DDX20: variants seen among roughly 807,000 people sequenced by gnomAD.
DDX20 encodes DEAD-box helicase 20.
DDX20 carries 61 observed loss-of-function variants against 76.4 expected under a neutral mutation model. That is an observed-to-expected ratio of 0.80 (90% CI 0.65 to 0.99). DDX20 has a LOEUF of 0.99. DDX20 is among the 50% of genes least tolerant of loss of function. The pLI is 0.00. For synonymous variants in DDX20, 357 were observed against 357.4 expected (o/e 1.00, Z 0.01); for missense variants, 976 against 996.8 (o/e 0.98, Z 0.28).
intron 2 of DDX20, among the ~76,000 whole-genome samples, chr1:111,757,748 T>C (rs1663590209): frequency 6.6e-6 from 1 of 152,250 alleles, no homozygotes; most frequent in African/African-American, 2.4e-5. Flanking sequence ...GAAATCCTCC[T>C]ACTTCCCAAG....
rs1663805650 is a variant in DDX20 at position 111,767,433 on chromosome 1, C to G, written c.*534C>G. 1 of 152,100 alleles carries G rather than the reference C, an allele frequency of 6.6e-6. No individual in the cohort carries two copies. Among genetic ancestry groups the G allele is most frequent in the African/African-American group, 2.4e-5 (1 of 41,350 alleles). The allele number at this position is 152,100 out of a possible 1,614,324, so 9.4% of individuals were successfully genotyped here. ...TTTTCCTAAAGGTATTTGATTTGAT[C>G]TGTTAGCTTCCAGTAAAAATATTTG... On this transcript the variant is annotated 3_prime_UTR_variant, in exon 11 of 11. Coordinates refer to ENST00000369702, the MANE Select transcript of DDX20 (RefSeq NM_007204.5).
rs757155844 is a variant in DDX20, at chr1:111,766,092, C to T, written c.1668C>T (p.Asn556=). The change falls in exon 11 of 11, where the codon AAC becomes AAT. Residue 556 remains asparagine, a synonymous_variant. Transcript: ENST00000369702. Reference sequence around the variant, plus strand: ...ATTCTGTTCAGACTCCCGTTGAAAACTCCACCAACAGTCAGCACCAGGTCA... The same window carrying T: ...ATTCTGTTCAGACTCCCGTTGAAAATTCCACCAACAGTCAGCACCAGGTCA... The part of the protein sequence containing the change: ...MKNSVQTPVE[N]STNSQHQVKE... The T allele has an allele frequency of 1.3e-5, 21 of 1,614,226 alleles. No homozygotes were observed. Among genetic ancestry groups the T allele is most frequent in the Non-Finnish European group, 1.8e-5 (21 of 1,180,046 alleles).
chr1:111,764,271 G>A (rs1161886645), intron 10 of DDX20, among the ~76,000 whole-genome samples: 1 of 148,140 alleles, frequency 6.8e-6, no homozygotes, highest in African/African-American at 2.6e-5. Flanking sequence ...GAAAGTGCGA[G>A]ACTCAGTCTC....
chr1:111,758,900 C>G (rs1663617801), intron 2 of DDX20, among the ~76,000 whole-genome samples: 1 of 152,164 alleles, frequency 6.6e-6, no homozygotes, highest in Non-Finnish European at 1.5e-5. Context: ...AGAGTAGGTT[C>G]TTACTTAATA....
chr1:111,759,925 G>C (rs1198250750), intron 3 of DDX20, among the ~76,000 whole-genome samples: 1 of 137,214 alleles, frequency 7.3e-6, no homozygotes, highest in Non-Finnish European at 1.5e-5. Flanking sequence ...AGTGAGCCGA[G>C]ATCGCGCCAC....
At chr1:111,759,323 T>G (rs1236328041) in intron 2 of DDX20, 77 bp from the exon 3 acceptor site, 1 of 1,012,872 alleles carries the variant, frequency 9.9e-7, no homozygotes, top group African/African-American at 1.6e-5. Context: ...AAATATAGTG[T>G]GTCATGTAAT....
intron 1 of DDX20, 89 bp downstream of exon 1, chr1:111,756,314 A>T: frequency 2.3e-6 from 3 of 1,321,324 alleles, no homozygotes; most frequent in Non-Finnish European, 2.9e-6. Context: ...GCCGCAGCTC[A>T]GGAAGAGCCC....
chr1:111,765,051 T>C (rs1663751093), intron 10 of DDX20, among the ~76,000 whole-genome samples: 1 of 152,232 alleles, frequency 6.6e-6, no homozygotes, highest in Non-Finnish European at 1.5e-5. Flanking sequence ...TTGATATATC[T>C]TGTCTGCCTA....
chr1:111,765,914 G>T lies in DDX20; in HGVS notation c.1490G>T (p.Arg497Ile), dbSNP rs190722688. ...CATGGTGACCACATGGCTTCCTCTA[G>T]AAATAATTCTGTATCTGGACTATCA... ...KAHGDHMASS[R>I]NNSVSGLSVK... Residue 497 changes from arginine (R) to isoleucine (I), a missense_variant, in exon 11 of 11, where the codon AGA becomes ATA. This residue lies in a region of DDX20 where 630 missense variants were observed against 693.7 expected (regional missense o/e 0.91). Coordinates refer to ENST00000369702, the MANE Select transcript of DDX20 (RefSeq NM_007204.5). 7 of 1,613,782 alleles carry T rather than the reference G, an allele frequency of 4.3e-6. No individual in the cohort carries two copies. The African/African-American group carries it at 6.7e-5, about 15-fold the overall frequency.
Position 111,757,288 on chromosome 1 carries a change from C to T in DDX20, c.396+548C>T, listed in dbSNP as rs543570878. 2.6e-5 allele frequency among the ~76,000 whole-genome samples: 4 copies of T among 152,228 alleles called. No homozygotes were observed. In the South Asian group the frequency reaches 8.3e-4, roughly 32 times the overall value. ...CCAGCCTTGAACTCCTGGGTTCAAG[C>T]AATCCTCCCACCTTTGCCTCCCAAA... On this transcript the variant is annotated intron_variant, in intron 2 of 10. Transcript: ENST00000369702.
rs567854335 is a variant in DDX20, at chr1:111,767,776, G to C, written c.*877G>C. On this transcript the variant is annotated 3_prime_UTR_variant, in exon 11 of 11. Transcript: ENST00000369702. ...ATCTATACAGTCCAGATTAACAAGT[G>C]ACCTGCTCTGCTGGTAGGCTAGGGG... 6.6e-6 allele frequency: 1 copy of C among 152,292 alleles called. No individual in the cohort carries two copies. Among genetic ancestry groups the C allele is most frequent in the South Asian group, 2.1e-4 (1 of 4,824 alleles). 9.4% of individuals were successfully genotyped at this position (152,292 alleles called of 1,614,324 possible).
chr1:111,761,474 A>G (rs978135978), intron 7 of DDX20, 190 bp downstream of exon 7: 41 of 510,876 alleles, frequency 8.0e-5, no homozygotes, highest in Non-Finnish European at 1.4e-4. Flanking sequence ...TTTAAGGAGT[A>G]ACTTGGTATA....
intron 7 of DDX20, chr1:111,761,936 T>G (rs1232633453): frequency 5.0e-6 from 1 of 200,964 alleles, no homozygotes; most frequent in Non-Finnish European, 1.0e-5. Context: ...TATAAACAGC[T>G]GATTAAAGCA....
At position 111,765,765 on chromosome 1, in the gene DDX20, ATGTG is replaced by A. The variant is rs1663765020; in HGVS notation, c.1344_1347del (p.Cys448TrpfsTer16). On this transcript the variant is annotated frameshift_variant, in exon 11 of 11. Transcript: ENST00000369702. LOFTEE classifies it high-confidence loss of function. ...CCATTCCTTCTGGTCTGATGGAAGAATGTGTGGATTGGGATGTGGAAGTTAAAGC... is the reference window on the plus strand; with the variant it reads ...CCATTCCTTCTGGTCTGATGGAAGAATGGATTGGGATGTGGAAGTTAAAGC... 1 of 1,602,746 alleles carries A rather than the reference ATGTG, an allele frequency of 6.2e-7. No homozygotes were observed. Among genetic ancestry groups the A allele is most frequent in the Non-Finnish European group, 8.5e-7 (1 of 1,176,570 alleles).
At chr1:111,762,595 G>C in intron 8 of DDX20, 82 bp from the exon 9 acceptor site, 1 of 1,226,796 alleles carries the variant, frequency 8.2e-7, no homozygotes, top group South Asian at 1.3e-5. Context: ...TCTCTTGACT[G>C]TACTGGAAGA....
At position 111,755,923 on chromosome 1, in the gene DDX20, C is replaced by A; in HGVS notation, c.-2C>A. On this transcript the variant is annotated 5_prime_UTR_variant, in exon 1 of 11. Transcript: ENST00000369702. Reference sequence around the variant, plus strand: ...ACCGCGAGATCTGACGGCGCGGCTACCATGGCGGCGGCATTTGAAGCCTCG... The same window carrying A: ...ACCGCGAGATCTGACGGCGCGGCTAACATGGCGGCGGCATTTGAAGCCTCG... 6.4e-7 allele frequency: 1 copy of A among 1,569,488 alleles called. No individual in the cohort carries two copies.
Position 111,763,101 on chromosome 1 carries a change from G to T in DDX20, c.1312+94G>T. The stretch of plus-strand genomic sequence containing the variant: ...ATAGCTAACAGAGTGCTTATGATGT[G>T]CTGGGTACTGTTCCCAGTCCTGTAT... On this transcript the variant is annotated intron_variant, in intron 10 of 10. Transcript: ENST00000369702. 15 of 975,382 alleles carry T rather than the reference G, an allele frequency of 1.5e-5. No individual in the cohort carries two copies. In the South Asian group the frequency reaches 2.1e-4, roughly 14 times the overall value. 60.4% of individuals were successfully genotyped at this position (975,382 alleles called of 1,614,324 possible).
intron 4 of DDX20, 54 bp from the exon 5 acceptor site, chr1:111,760,652 C>G: frequency 6.3e-7 from 1 of 1,599,432 alleles, no homozygotes; most frequent in South Asian, 1.1e-5. Context: ...TTAGCTTTTC[C>G]AAGTGGTGAT....
At chr1:111,756,498 T>A in intron 1 of DDX20, 148 bp from the exon 2 acceptor site, 1 of 708,552 alleles carries the variant, frequency 1.4e-6, no homozygotes, top group Non-Finnish European at 2.4e-6. Flanking sequence ...GGACTAGGCG[T>A]GTTCTCATAC....
Sources: allele counts gnomAD v4.1 joint callset (sites outside exome capture counted in the v4.1 genomes callset), GRCh38; gene constraint gnomAD v4.1.1; regional missense constraint gnomAD v4.1.1; transcripts MANE v1.5; gene names NCBI Gene and HGNC (gene_info 2026-07-23, HGNC 2026-07-21).